The following ZNF608 variants were observed in gnomAD, a reference collection of about 807,000 sequenced individuals.
The protein encoded by ZNF608 is zinc finger protein 608, also known as renal carcinoma antigen NY-REN-36.
ZNF608 carries 12 observed loss-of-function variants against 109.0 expected under a neutral mutation model. The observed-to-expected ratio is 0.11, with a 90% CI of 0.07 to 0.18. The LOEUF is 0.18. ZNF608 is among the 10% of genes least tolerant of loss of function. The probability of loss-of-function intolerance (pLI) is 1.00; values close to 1 mark genes in which losing one functional copy is unlikely to be tolerated. For missense variants in ZNF608, 1,707 were observed against 1,879.3 expected (o/e 0.91, Z 1.70); for synonymous variants, 732 against 717.4 (o/e 1.02, Z -0.33).
At chr5:124,678,599 G>A (rs1264384163) in intron 3 of ZNF608, among the ~76,000 whole-genome samples, 1 of 152,218 alleles carries the variant, frequency 6.6e-6, no homozygotes, top group South Asian at 2.1e-4. Context: ...GGCAAAGCCA[G>A]GGGTGTCACT....
intron 5 of ZNF608, among the ~76,000 whole-genome samples, chr5:124,645,603 A>G (rs1561530959): frequency 6.6e-6 from 1 of 152,132 alleles, no homozygotes. Flanking sequence ...GTGCTGGGAA[A>G]TAACCAGGAT....
intron 2 of ZNF608, among the ~76,000 whole-genome samples, chr5:124,738,966 G>A (rs752856659): frequency 6.6e-6 from 1 of 152,200 alleles, no homozygotes; most frequent in Admixed American, 6.5e-5. Flanking sequence ...AAAGAACTAG[G>A]AGTAGTAGAT....
intron 3 of ZNF608, 94 bp from the exon 4 acceptor site, chr5:124,649,791 C>CA (rs11422549): frequency 0.71 from 541,359 of 761,744 alleles, 195,029 homozygotes; most frequent in Non-Finnish European, 0.72. Flanking sequence ...TTTTTGCCAG[C>CA]AAGTTCTATT....
rs200513973 is a variant in ZNF608 at position 124,728,229 on chromosome 5, T to C, written c.906+15855A>G. Among the ~76,000 whole-genome samples the C allele has an allele frequency of 1.2e-4, 18 of 152,238 alleles. No individual in the cohort carries two copies. In the East Asian group the frequency reaches 3.5e-3, roughly 29 times the overall value. ...CTTGAAAAGTCGACTCACGATGGGA[T>C]TGAGGTGCTATCTTAAAATCACCTT... On this transcript the variant is annotated intron_variant, in intron 2 of 9. Transcript: ENST00000513986.
intron 3 of ZNF608, among the ~76,000 whole-genome samples, chr5:124,675,836 G>C (rs1208414612): frequency 3.3e-5 from 5 of 152,222 alleles, no homozygotes; most frequent in Non-Finnish European, 7.3e-5. Context: ...GGGCAAGAGA[G>C]ATAATAACCA....
At chr5:124,721,510 A>T (rs944542582) in intron 2 of ZNF608, among the ~76,000 whole-genome samples, 21 of 152,240 alleles carry the variant, frequency 1.4e-4, no homozygotes, top group Admixed American at 1.3e-3. Flanking sequence ...GATAAACGAC[A>T]TGTGTTTCCA....
At chr5:124,726,181 G>A (rs1046680897) in intron 2 of ZNF608, among the ~76,000 whole-genome samples, 3 of 152,122 alleles carry the variant, frequency 2.0e-5, no homozygotes, top group African/African-American at 7.2e-5. Flanking sequence ...CAGACTGGCT[G>A]GGTTTTCTTC....
intron 2 of ZNF608, among the ~76,000 whole-genome samples, chr5:124,706,800 A>C (rs1753275507): frequency 6.6e-6 from 1 of 152,204 alleles, no homozygotes; most frequent in South Asian, 2.1e-4. Flanking sequence ...AGTTAATGTC[A>C]AGAACAGACG....
At chr5:124,708,890 G>T in intron 2 of ZNF608, 2 of 422,502 alleles carry the variant, frequency 4.7e-6, no homozygotes, top group Admixed American at 5.4e-5. Flanking sequence ...AAAAATCCAA[G>T]GCCCGGTGCA....
chr5:124,680,278 G>A (rs1362678948), intron 3 of ZNF608, among the ~76,000 whole-genome samples: 6 of 151,504 alleles, frequency 4.0e-5, no homozygotes, highest in African/African-American at 1.5e-4. Flanking sequence ...TAACAGCTAT[G>A]AAGAAATTAC....
intron 2 of ZNF608, among the ~76,000 whole-genome samples, chr5:124,717,553 C>A (rs1165243283): frequency 2.0e-5 from 3 of 152,154 alleles, no homozygotes; most frequent in African/African-American, 4.8e-5. Context: ...AATATTTGAT[C>A]TCAAAAATTA....
intron 3 of ZNF608, among the ~76,000 whole-genome samples, chr5:124,699,970 G>T (rs1201001263): frequency 6.7e-6 from 1 of 148,428 alleles, no homozygotes; most frequent in Non-Finnish European, 1.5e-5. Flanking sequence ...ATGAATAATT[G>T]TGAGTCTCAG....
chr5:124,660,542 A>C (rs768583351), intron 3 of ZNF608, among the ~76,000 whole-genome samples: 5 of 152,162 alleles, frequency 3.3e-5, no homozygotes, highest in Non-Finnish European at 7.3e-5. Flanking sequence ...AAGAAAGAAT[A>C]AACAGTGGCC....
intron 7 of ZNF608, among the ~76,000 whole-genome samples, chr5:124,642,908 G>C (rs918745415): frequency 5.3e-5 from 8 of 151,836 alleles, no homozygotes; most frequent in African/African-American, 1.5e-4. Flanking sequence ...TATTGGCCAG[G>C]CTGGTCTCGA....
At chr5:124,668,216 A>T (rs1270762915) in intron 3 of ZNF608, among the ~76,000 whole-genome samples, 117 of 115,108 alleles carry the variant, frequency 1.0e-3, no homozygotes, top group Middle Eastern at 4.7e-3. Flanking sequence ...ATATATATAT[A>T]TTATATATAT....
chr5:124,720,977 C>A (rs1368863972), intron 2 of ZNF608, among the ~76,000 whole-genome samples: 1 of 151,894 alleles, frequency 6.6e-6, no homozygotes, highest in African/African-American at 2.4e-5. Context: ...TCATTTTAGC[C>A]CTGAAAGTCA....
Position 124,744,799 on chromosome 5 carries a change from T to G in ZNF608, c.191A>C (p.Asp64Ala). ...CCCACTGGAGGCCGGACCTCCACAA[T>G]CCTTGGAGTTGCTGCTACTAGTGGT... is the stretch of plus-strand genomic sequence containing the variant. ...TTTTSSSNSK[D>A]CGGPASSGAG... Residue 64 changes from aspartate (D) to alanine (A), a missense_variant, in exon 2 of 10, where the codon GAT (aspartate) becomes GCT (alanine). Transcript: ENST00000513986. This position sits in a 1 kb window ranked among gnomAD's most constrained non-coding sequence, Gnocchi z 4.5. 6.2e-7 allele frequency: 1 copy of G among 1,614,166 alleles called. No individual in the cohort carries two copies. The highest frequency in any genetic ancestry group is 1.1e-5 in the South Asian group (1 of 91,082).
chr5:124,738,913 C>T (rs565232304), intron 2 of ZNF608, among the ~76,000 whole-genome samples: 5 of 152,224 alleles, frequency 3.3e-5, no homozygotes, highest in Non-Finnish European at 7.3e-5. Flanking sequence ...AGATCACACA[C>T]TTGTTAACAA....
chr5:124,728,447 A>C (rs1748720691), intron 2 of ZNF608, among the ~76,000 whole-genome samples: 2 of 152,212 alleles, frequency 1.3e-5, no homozygotes, highest in African/African-American at 4.8e-5. Flanking sequence ...TGCTGCTGGC[A>C]ATAATAATAG....
Sources: gnomAD v4.1 joint callset for allele counts (sites outside exome capture counted in the v4.1 genomes callset) on GRCh38, gnomAD v4.1.1 for gene constraint, Gnocchi (gnomAD v3.1) non-coding constraint, MANE v1.5 for transcripts, NCBI Gene and HGNC (gene_info 2026-07-23, HGNC 2026-07-21) for gene names.